The following LINGO2 variants were observed in gnomAD, a reference collection of about 807,000 sequenced individuals.
The protein encoded by LINGO2 is leucine rich repeat and Ig domain containing 2, also known as leucine-rich repeat and immunoglobulin-like domain-containing nogo receptor-interacting protein 2.
In LINGO2, 14 loss-of-function variants were observed where a neutral mutation model predicts 30.6. The ratio of observed to expected loss-of-function variants is 0.46; its 90% CI spans 0.30 to 0.72. The LOEUF is 0.72. Among genes scored for constraint, LINGO2 ranks in the 30% least tolerant of loss-of-function variants. The probability of loss-of-function intolerance (pLI) is 0.07; values close to 1 mark genes in which losing one functional copy is unlikely to be tolerated. For synonymous variants in LINGO2, 317 were observed against 288.5 expected (o/e 1.10, Z -1.00); for missense variants, 729 against 751.7 (o/e 0.97, Z 0.35).
Position 28,588,879 on chromosome 9 carries a change from A to G in LINGO2, c.-365+81321T>C, listed in dbSNP as rs575616789. ...GACTCAAGGCCAGTTCCTTCCTTCT[A>G]CCAGAAAGCCTGAGACATAGTGCAC... On this transcript the variant is annotated intron_variant, in intron 1 of 5. Coordinates refer to ENST00000379992, the Ensembl canonical transcript of LINGO2. Among the ~76,000 whole-genome samples the G allele has an allele frequency of 3.7e-4, 56 of 152,150 alleles. No homozygotes were observed. In the South Asian group the frequency reaches 0.011, roughly 29 times the overall value.
the LINGO2 span, among the ~76,000 whole-genome samples, chr9:28,900,965 T>TA: frequency 1.3e-5 from 2 of 152,026 alleles, no homozygotes; most frequent in African/African-American, 2.4e-5. Context: ...AAAATTGTTT[T>TA]AAAAAAATCA....
At chr9:28,340,798 T>G (rs1415286162) in intron 3 of LINGO2, among the ~76,000 whole-genome samples, 1 of 152,086 alleles carries the variant, frequency 6.6e-6, no homozygotes, top group African/African-American at 2.4e-5. Context: ...CGTAAAACTG[T>G]GAACATTTTA....
intron 4 of LINGO2, among the ~76,000 whole-genome samples, chr9:28,051,540 G>A (rs998640319): frequency 6.6e-6 from 1 of 152,040 alleles, no homozygotes; most frequent in Non-Finnish European, 1.5e-5. Context: ...AGACACAGCA[G>A]GGAACAGATA....
At chr9:28,451,893 T>C (rs977593745) in intron 2 of LINGO2, among the ~76,000 whole-genome samples, 3 of 151,674 alleles carry the variant, frequency 2.0e-5, no homozygotes, top group Admixed American at 6.6e-5. Flanking sequence ...GAAGTAATTA[T>C]CAATATTAAG....
At chr9:29,048,168 C>A in the LINGO2 span, among the ~76,000 whole-genome samples, 7 of 151,136 alleles carry the variant, frequency 4.6e-5, no homozygotes, top group Admixed American at 4.6e-4. Flanking sequence ...TTTCTATATG[C>A]CAACAATGAA....
the LINGO2 span, among the ~76,000 whole-genome samples, chr9:29,107,939 T>C: frequency 1.3e-5 from 2 of 151,692 alleles, no homozygotes; most frequent in Non-Finnish European, 2.9e-5. Context: ...TGAGAGAGTA[T>C]TCTATGATTG....
intron 1 of LINGO2, among the ~76,000 whole-genome samples, chr9:28,504,842 T>C (rs1820042607): frequency 6.6e-6 from 1 of 151,676 alleles, no homozygotes; most frequent in Admixed American, 6.6e-5. Context: ...TAAAACAGTG[T>C]GGGATAAGTG....
rs7850120 is a variant in LINGO2, at chr9:28,553,095, C to A, written c.-364-77070G>T. ...TCTGCTATAAAAGCAGAGCACCTCT[C>A]CTCCTCCAAAGGAACGCAGCTCCTC... On this transcript the variant is annotated intron_variant, in intron 1 of 5. Coordinates refer to ENST00000379992, the Ensembl canonical transcript of LINGO2. 7.5e-3 allele frequency among the ~76,000 whole-genome samples: 1,144 copies of A among 152,128 alleles called. 16 individuals are homozygous for A. Among genetic ancestry groups the A allele is most frequent in the African/African-American group, 0.026 (1,090 of 41,526 alleles).
the LINGO2 span, among the ~76,000 whole-genome samples, chr9:28,940,122 G>A: frequency 6.6e-6 from 1 of 152,010 alleles, no homozygotes; most frequent in African/African-American, 2.4e-5. Context: ...ACTGATTATT[G>A]CATTTCCCAA....
chr9:29,174,455 T>C, the LINGO2 span, among the ~76,000 whole-genome samples: 1 of 152,220 alleles, frequency 6.6e-6, no homozygotes, highest in South Asian at 2.1e-4. Flanking sequence ...GAAAAATATA[T>C]AACTCTATGA....
intron 2 of LINGO2, among the ~76,000 whole-genome samples, chr9:28,444,580 A>G (rs1452264778): frequency 3.3e-5 from 5 of 152,228 alleles, no homozygotes; most frequent in Non-Finnish European, 5.9e-5. Context: ...GGGCTGTGAC[A>G]GGCTGTATGT....
chr9:29,093,664 A>G, the LINGO2 span, among the ~76,000 whole-genome samples: 1 of 136,764 alleles, frequency 7.3e-6, no homozygotes, highest in Admixed American at 7.6e-5. Flanking sequence ...GTATCTTGAT[A>G]ATAGAAACTG....
At chr9:28,653,837 T>G (rs1450742468) in intron 1 of LINGO2, among the ~76,000 whole-genome samples, 1 of 152,130 alleles carries the variant, frequency 6.6e-6, no homozygotes, top group Non-Finnish European at 1.5e-5. Flanking sequence ...TTAAAGATTT[T>G]GAACATCACT....
chr9:28,010,454 CCCT>C (rs1039319308), intron 5 of LINGO2, among the ~76,000 whole-genome samples: 14 of 152,064 alleles, frequency 9.2e-5, no homozygotes, highest in Non-Finnish European at 5.9e-5. Context: ...GCATTATAAT[CCCT>C]CCTTTTTGCT....
At chr9:28,664,057 T>C (rs1175254781) in intron 1 of LINGO2, among the ~76,000 whole-genome samples, 1 of 152,332 alleles carries the variant, frequency 6.6e-6, no homozygotes, top group South Asian at 2.1e-4. Flanking sequence ...TAAATATTTA[T>C]ATCGAGAGAG....
chr9:28,744,642 T>TGTGTGTGTGTGTGTG, the LINGO2 span, among the ~76,000 whole-genome samples: 1 of 97,952 alleles, frequency 1.0e-5, no homozygotes, highest in Admixed American at 1.4e-4. Flanking sequence ...GTGTGTGTAT[T>TGTGTGTGTGTGTGTG]TTTTTTTTTT....
At chr9:28,962,336 C>A in the LINGO2 span, among the ~76,000 whole-genome samples, 3 of 152,100 alleles carry the variant, frequency 2.0e-5, no homozygotes, top group East Asian at 5.8e-4. Flanking sequence ...AATAATTTAT[C>A]CAAATTCATA....
chr9:28,261,604 T>C (rs1368564037), intron 4 of LINGO2, among the ~76,000 whole-genome samples: 3 of 151,768 alleles, frequency 2.0e-5, no homozygotes, highest in Non-Finnish European at 4.4e-5. Context: ...AACTAAAGAG[T>C]TGTCTTTTAT....
chr9:28,858,920 C>G, the LINGO2 span, among the ~76,000 whole-genome samples: 6,397 of 152,066 alleles, frequency 0.042, 420 homozygotes, highest in African/African-American at 0.14. Context: ...TTTCCCCTTG[C>G]GTGTTGCAAA....
Sources: gnomAD v4.1 joint callset for allele counts (sites outside exome capture counted in the v4.1 genomes callset) on GRCh38, gnomAD v4.1.1 for gene constraint, MANE v1.5 for transcripts, NCBI Gene and HGNC (gene_info 2026-07-23, HGNC 2026-07-21) for gene names.